The following LRBA variants were observed in gnomAD, a reference collection of about 807,000 sequenced individuals.
LRBA encodes the protein lipopolysaccharide-responsive and beige-like anchor protein.
In LRBA, 176 loss-of-function variants were observed where a neutral mutation model predicts 330.0. The observed-to-expected ratio is 0.53, with a 90% CI of 0.47 to 0.60. The LOEUF (loss-of-function observed/expected upper bound fraction) is 0.60, where lower values mean the gene tolerates loss of function less well. LRBA is among the 20% of genes least tolerant of loss of function. The pLI, the probability that LRBA is intolerant of heterozygous loss-of-function variation, is 0.00. For missense variants in LRBA, 3,259 were observed against 3,444.8 expected (o/e 0.95, Z 1.35); for synonymous variants, 1,230 against 1,193.0 (o/e 1.03, Z -0.64).
At chr4:150,808,591 A>C (rs1473381596) in intron 31 of LRBA, among the ~76,000 whole-genome samples, 193 bp from the exon 32 acceptor site, 2 of 152,252 alleles carry the variant, frequency 1.3e-5, no homozygotes, top group Non-Finnish European at 2.9e-5. Flanking sequence ...TACAAGCTCA[A>C]TTATCATGCC....
intron 35 of LRBA, among the ~76,000 whole-genome samples, chr4:150,745,707 G>A (rs1732609630): frequency 6.6e-6 from 1 of 151,954 alleles, no homozygotes; most frequent in African/African-American, 2.4e-5. Context: ...GTAGAGACGG[G>A]ATTTCACTAT....
rs529657391 is a variant in LRBA at position 150,987,533 on chromosome 4, C to T, written c.216+26894G>A. Among the ~76,000 whole-genome samples the T allele has an allele frequency of 3.3e-5, 5 of 152,102 alleles. No homozygotes were observed. In the South Asian group the frequency reaches 1.0e-3, roughly 32 times the overall value. ...ACAGCTGGGCCAACATGGCAAAACC[C>T]CGTCTCTACTAAAAACACAAAAATT... is the stretch of plus-strand genomic sequence containing the variant. On this transcript the variant is annotated intron_variant, in intron 2 of 56. Coordinates refer to ENST00000651943, the MANE Select transcript of LRBA (RefSeq NM_001364905.1).
chr4:150,865,435 A>G (rs1752548259), intron 22 of LRBA, among the ~76,000 whole-genome samples: 1 of 152,220 alleles, frequency 6.6e-6, no homozygotes. Context: ...TTCTAGCACA[A>G]TTTTATTTAG....
chr4:151,007,196 T>C (rs1017910521), intron 2 of LRBA, among the ~76,000 whole-genome samples: 1 of 152,234 alleles, frequency 6.6e-6, no homozygotes, highest in Admixed American at 6.5e-5. Flanking sequence ...GGGAAAAGAA[T>C]AGCCTTTCAA....
At chr4:150,451,735 T>C (rs1021943266) in intron 44 of LRBA, among the ~76,000 whole-genome samples, 1 of 151,410 alleles carries the variant, frequency 6.6e-6, no homozygotes, top group Non-Finnish European at 1.5e-5. Flanking sequence ...GAAAAAGCAA[T>C]AGAAAAATAA....
At chr4:150,753,049 G>A (rs925387047) in intron 35 of LRBA, among the ~76,000 whole-genome samples, 4 of 152,046 alleles carry the variant, frequency 2.6e-5, no homozygotes, top group African/African-American at 7.2e-5. Context: ...TCTTATAACT[G>A]CCTTTGTCTC....
rs190819258 is a variant in LRBA at position 150,919,332 on chromosome 4, T to C, written c.645+1866A>G. Among the ~76,000 whole-genome samples the C allele has an allele frequency of 2.4e-4, 37 of 152,346 alleles. No individual in the cohort carries two copies. The East Asian group carries it at 6.4e-3, about 26-fold the overall frequency. On this transcript the variant is annotated intron_variant, in intron 5 of 56. Coordinates refer to ENST00000651943, the MANE Select transcript of LRBA (RefSeq NM_001364905.1). ...CATTTACCTACTATACTATATACTT[T>C]AAATGAGTTAATTGTGTGGTATGTG...
chr4:150,560,167 A>G (rs1234964647), intron 40 of LRBA, among the ~76,000 whole-genome samples: 1 of 150,924 alleles, frequency 6.6e-6, no homozygotes, highest in African/African-American at 2.4e-5. Context: ...AATGGCTCAG[A>G]AAAAAAGTGG....
intron 35 of LRBA, among the ~76,000 whole-genome samples, chr4:150,757,462 G>A (rs1026077433): frequency 6.6e-6 from 1 of 152,074 alleles, no homozygotes; most frequent in Non-Finnish European, 1.5e-5. Context: ...ACACAAATAC[G>A]ACATTAATCA....
At chr4:150,802,255 G>C (rs1300394498) in intron 33 of LRBA, among the ~76,000 whole-genome samples, 1 of 146,604 alleles carries the variant, frequency 6.8e-6, no homozygotes. Flanking sequence ...GCAAAATTTT[G>C]GGTAAAGCAA....
intron 37 of LRBA, among the ~76,000 whole-genome samples, chr4:150,647,907 C>T (rs1779315263): frequency 6.6e-6 from 1 of 151,524 alleles, no homozygotes; most frequent in Non-Finnish European, 1.5e-5. Flanking sequence ...TTGTAAGTAT[C>T]CTTCCTGAGA....
chr4:150,685,420 ATTTTTTTTTTTTTTTT>A (rs70941424), intron 36 of LRBA, among the ~76,000 whole-genome samples: 9 of 17,436 alleles, frequency 5.2e-4, no homozygotes, highest in Admixed American at 1.3e-3. Context: ...ATATATATAT[ATTTTTTTTTTTTTTTT>A]TTTTTTTTTT....
intron 35 of LRBA, among the ~76,000 whole-genome samples, chr4:150,757,340 T>A (rs1231032673): frequency 6.6e-6 from 1 of 152,180 alleles, no homozygotes; most frequent in Non-Finnish European, 1.5e-5. Context: ...CAGCAGTTTC[T>A]ACCAAACAAC....
chr4:150,512,176 T>G (rs567979369), intron 40 of LRBA, among the ~76,000 whole-genome samples: 1 of 152,314 alleles, frequency 6.6e-6, no homozygotes, highest in East Asian at 1.9e-4. Context: ...AGAGAGATCT[T>G]TAGGCTTTTT....
chr4:150,715,895 T>C (rs1226758200), intron 36 of LRBA, among the ~76,000 whole-genome samples: 1 of 152,136 alleles, frequency 6.6e-6, no homozygotes, highest in East Asian at 1.9e-4. Context: ...GAAGGAAAAA[T>C]CCTTATGTTT....
At chr4:150,589,831 G>T (rs1772587822) in intron 39 of LRBA, among the ~76,000 whole-genome samples, 1 of 152,160 alleles carries the variant, frequency 6.6e-6, no homozygotes, top group Non-Finnish European at 1.5e-5. Context: ...TGAAGGAAAA[G>T]ACTACAGAAT....
chr4:150,457,922 A>G (rs901113122), intron 44 of LRBA, among the ~76,000 whole-genome samples: 1 of 151,992 alleles, frequency 6.6e-6, no homozygotes, highest in African/African-American at 2.4e-5. Flanking sequence ...TAGCATGATT[A>G]GAGAATAAAT....
Position 150,844,227 on chromosome 4 carries a change from A to T in LRBA, c.4462-20T>A, listed in dbSNP as rs1251454434. Reference sequence around the variant, plus strand: ...TGGGCTCTATTTAAGATTAAAAAAAAATTGTATATATATATATTCATATAT... The same window carrying T: ...TGGGCTCTATTTAAGATTAAAAAAATATTGTATATATATATATTCATATAT... On this transcript the variant is annotated intron_variant, in intron 27 of 56. Transcript: ENST00000651943. The T allele has an allele frequency of 1.7e-6, 2 of 1,192,350 alleles. No homozygotes were observed. The highest frequency in any genetic ancestry group is 4.9e-5 in the East Asian group (2 of 40,750). The allele number at this position is 1,192,350 out of a possible 1,614,324, so 73.9% of individuals were successfully genotyped here. A position where few individuals can be genotyped will look rare whatever the true frequency, so the allele number is the denominator to read the frequency against.
intron 48 of LRBA, among the ~76,000 whole-genome samples, chr4:150,336,136 T>C (rs1734697182): frequency 6.6e-6 from 1 of 152,232 alleles, no homozygotes; most frequent in African/African-American, 2.4e-5. Flanking sequence ...TCCTGGGGGT[T>C]TGTGGTATAG....
Sources: allele counts gnomAD v4.1 joint callset (sites outside exome capture counted in the v4.1 genomes callset), GRCh38; gene constraint gnomAD v4.1.1; transcripts MANE v1.5; gene names NCBI Gene and HGNC (gene_info 2026-07-23, HGNC 2026-07-21).